The following ABCC1 variants were observed in gnomAD, a reference collection of about 807,000 sequenced individuals.
ABCC1 encodes ATP binding cassette subfamily C member 1 (ABCC1 blood group).
Under a neutral mutation model 172.9 loss-of-function variants are expected in ABCC1, and 83 were observed. That is an observed-to-expected ratio of 0.48 (90% CI 0.40 to 0.58). ABCC1 has a LOEUF of 0.58. ABCC1 is among the 20% of genes least tolerant of loss of function. The pLI, the probability that ABCC1 is intolerant of heterozygous loss-of-function variation, is 0.00. For missense variants in ABCC1, 1,817 were observed against 2,002.7 expected, an observed-to-expected ratio of 0.91 and a Z score of 1.77; for synonymous variants, 937 against 825.2, an observed-to-expected ratio of 1.14 and a Z score of -2.32.
chr16:15,983,334 G>T (rs942528435), intron 1 of ABCC1, among the ~76,000 whole-genome samples: 3 of 152,128 alleles, frequency 2.0e-5, no homozygotes, highest in Non-Finnish European at 4.4e-5. Flanking sequence ...CAGTTGTGGG[G>T]ATTGTGATCC....
At position 16,076,156 on chromosome 16, in the gene ABCC1, G is replaced by A. The variant is rs193158414; in HGVS notation, c.1913-170G>A. The A allele has an allele frequency of 1.1e-3, 679 of 640,294 alleles. 2 individuals are homozygous for A. The highest frequency in any genetic ancestry group is 4.6e-3 in the Admixed American group (139 of 30,448). The allele number at this position is 640,294 out of a possible 1,614,324, so 39.7% of individuals were successfully genotyped here. ...GTCTGGGGCTGCCTCCAGAACTGCAGGTTGAGTTTCTTCTTTCAGAACCCG... is the reference window on the plus strand; with the variant it reads ...GTCTGGGGCTGCCTCCAGAACTGCAAGTTGAGTTTCTTCTTTCAGAACCCG... On this transcript the variant is annotated intron_variant, in intron 14 of 30. Transcript: ENST00000399410.
chr16:16,133,930 C>G (rs2045807766), intron 27 of ABCC1, among the ~76,000 whole-genome samples: 1 of 152,110 alleles, frequency 6.6e-6, no homozygotes, highest in Non-Finnish European at 1.5e-5. Flanking sequence ...GGAAGATCTG[C>G]CTGAATCTTT....
intron 5 of ABCC1, among the ~76,000 whole-genome samples, chr16:16,022,607 C>T (rs571485762): frequency 1.5e-4 from 23 of 152,256 alleles, no homozygotes; most frequent in African/African-American, 4.8e-4. Context: ...CCAAGTCAAA[C>T]TCATTTTAAC....
rs371218567 is a variant in ABCC1 at position 16,138,488 on chromosome 16, C to A, written c.4417C>A (p.Arg1473=). ...GGACGACCTCATCCAGTCCACCATCCGGACACAGTTCGAGGACTGCACCGT... is the reference window on the plus strand; with the variant it reads ...GGACGACCTCATCCAGTCCACCATCAGGACACAGTTCGAGGACTGCACCGT... ...ETDDLIQSTI[R]TQFEDCTVLT... The change falls in exon 30 of 31, where the codon CGG becomes AGG. Residue 1473 remains arginine (R), a synonymous_variant. Transcript: ENST00000399410. The A allele has an allele frequency of 6.2e-7, 1 of 1,613,182 alleles. No individual in the cohort carries two copies. Among genetic ancestry groups the A allele is most frequent in the Non-Finnish European group, 8.5e-7 (1 of 1,179,370 alleles).
chr16:16,083,269 A>G, intron 16 of ABCC1, 97 bp from the exon 17 acceptor site: 1 of 1,217,726 alleles, frequency 8.2e-7, no homozygotes, highest in South Asian at 1.4e-5. Context: ...TGACTTGTGA[A>G]GTGAGGCCCT....
In ABCC1 at chr16:16,033,654, C is replaced by CT. The variant is rs569183872; in HGVS notation, c.677+494dup. 8.3e-4 allele frequency among the ~76,000 whole-genome samples: 124 copies of CT among 149,408 alleles called. No homozygotes were observed. In the South Asian group the frequency reaches 0.013, roughly 15 times the overall value. On this transcript the variant is annotated intron_variant, in intron 6 of 30. Coordinates refer to ENST00000399410, the MANE Select transcript of ABCC1 (RefSeq NM_004996.4). ...AGTATGCCTTCTTCTGGTCGTCTTTCTTTTTTTTTTGAGACGGAGTCTTAC... is the reference window on the plus strand; with the variant it reads ...AGTATGCCTTCTTCTGGTCGTCTTTCTTTTTTTTTTTGAGACGGAGTCTTAC...
chr16:16,011,440 T>C (rs1348818802), intron 3 of ABCC1, among the ~76,000 whole-genome samples: 2 of 152,174 alleles, frequency 1.3e-5, no homozygotes, highest in East Asian at 1.9e-4. Context: ...TGGAGCCAGG[T>C]TGCCAAGGAC....
chr16:16,126,345 A>C (rs2283512), intron 26 of ABCC1, among the ~76,000 whole-genome samples: 90,081 of 152,024 alleles, frequency 0.59, 28,254 homozygotes, highest in Middle Eastern at 0.73. Flanking sequence ...AACAGGACGG[A>C]TTCTGTCTAT....
At chr16:15,949,514 A>G (rs1158231947), upstream of ABCC1, 1 of 50,604 alleles carries the variant, frequency 2.0e-5, no homozygotes, top group Non-Finnish European at 3.7e-5. Context: ...GCGCGAGGTG[A>G]GCGGGCGCCG....
At chr16:15,954,244 G>T (rs1304988479) in intron 1 of ABCC1, among the ~76,000 whole-genome samples, 1 of 152,068 alleles carries the variant, frequency 6.6e-6, no homozygotes, top group Non-Finnish European at 1.5e-5. Flanking sequence ...GGCCAGGCTG[G>T]TCTTGAACTC....
chr16:16,043,222 G>GTTTTTTTT lies in ABCC1; in HGVS notation c.810-1214_810-1207dup, dbSNP rs147161637. Among the ~76,000 whole-genome samples the GTTTTTTTT allele has an allele frequency of 5.4e-4, 48 of 89,500 alleles. 1 individual carries two copies. The highest frequency in any genetic ancestry group is 1.7e-3 in the African/African-American group (33 of 19,700). 58.7% of individuals were successfully genotyped at this position (89,500 alleles called of 152,430 possible). A position where few individuals can be genotyped will look rare whatever the true frequency, so the allele number is the denominator to read the frequency against. ...CTGTGTTGCTCTGGCTGGCTGGACT[G>GTTTTTTTT]TTTTTTTTTTTTTTTTTTTTTCCAC... On this transcript the variant is annotated intron_variant, in intron 7 of 30. Transcript: ENST00000399410.
chr16:15,967,718 C>T (rs1054847414), intron 1 of ABCC1, among the ~76,000 whole-genome samples: 1 of 148,990 alleles, frequency 6.7e-6, no homozygotes, highest in East Asian at 2.0e-4. Context: ...TATGATTGCA[C>T]CACTGCACTC....
chr16:16,082,982 T>C lies in ABCC1; in HGVS notation c.2116-384T>C, dbSNP rs570029775. Reference sequence around the variant, plus strand: ...TCTTAAAAAGTGTCATATATCTTTTTATCTTTGCGTCCACCGTAACTGTAA... The same window carrying C: ...TCTTAAAAAGTGTCATATATCTTTTCATCTTTGCGTCCACCGTAACTGTAA... On this transcript the variant is annotated intron_variant, in intron 16 of 30. Coordinates refer to ENST00000399410, the MANE Select transcript of ABCC1 (RefSeq NM_004996.4). 2.0e-5 allele frequency among the ~76,000 whole-genome samples: 3 copies of C among 152,314 alleles called. No homozygotes were observed. In the South Asian group the frequency reaches 6.2e-4, roughly 32 times the overall value.
At chr16:16,042,802 A>G (rs1301673813) in intron 7 of ABCC1, among the ~76,000 whole-genome samples, 1 of 152,184 alleles carries the variant, frequency 6.6e-6, no homozygotes, top group East Asian at 1.9e-4. Flanking sequence ...TGCAGAACAT[A>G]CAATTCACTG....
rs543369658 is a variant in ABCC1 at position 16,077,538 on chromosome 16, G to A, written c.1988+1137G>A. Among the ~76,000 whole-genome samples, 45 of 147,164 alleles carry A rather than the reference G, an allele frequency of 3.1e-4. No homozygotes were observed. In the South Asian group the frequency reaches 6.9e-3, roughly 22 times the overall value. On this transcript the variant is annotated intron_variant, in intron 15 of 30. Coordinates refer to ENST00000399410, the MANE Select transcript of ABCC1 (RefSeq NM_004996.4). ...GCCTGTAAGAATATTTCAGTCTCAC[G>A]TGGACAGTGGCAGGTACTGTCTCAC...
rs13337489 is a variant in ABCC1 at position 16,114,826 on chromosome 16, G to C, written c.3140G>C (p.Cys1047Ser). The change falls in exon 23 of 31, where the codon TGT becomes TCT. Residue 1047 changes from cysteine to serine, a missense_variant. This residue lies in a region of ABCC1 where 1,412 missense variants were observed against 1,600.3 expected (regional missense o/e 0.88). Coordinates refer to ENST00000399410, the MANE Select transcript of ABCC1 (RefSeq NM_004996.4). ...VSIGGILASRCLHVDLLHSIL... is the reference protein window; with the variant it reads ...VSIGGILASRSLHVDLLHSIL... ...ATCGGGGGGATCTTGGCTTCCCGCT[G>C]TCTGCACGTGGACCTGCTGCACAGC... 2.7e-3 allele frequency: 4,414 copies of C among 1,610,816 alleles called. 126 individuals carry two copies. In the African/African-American group the frequency reaches 0.051, roughly 19 times the overall value.
chr16:16,033,504 C>T (rs536364693), intron 6 of ABCC1, among the ~76,000 whole-genome samples: 9 of 152,266 alleles, frequency 5.9e-5, no homozygotes, highest in Admixed American at 5.9e-4. Flanking sequence ...TTGACATTGT[C>T]CCCCTCCTGT....
intron 5 of ABCC1, among the ~76,000 whole-genome samples, chr16:16,028,414 T>C (rs2048448749): frequency 6.6e-6 from 1 of 152,084 alleles, no homozygotes; most frequent in Admixed American, 6.6e-5. Context: ...TGCCCATATA[T>C]TTGACCAATA....
Position 16,094,670 on chromosome 16 carries a change from T to C in ABCC1, c.2644+4082T>C, listed in dbSNP as rs1042526461. Reference sequence around the variant, plus strand: ...CTGGGACTACAGGCGCCCGCCACCATGCCCAGCTAATTTTTTTTGTATTTT... The same window carrying C: ...CTGGGACTACAGGCGCCCGCCACCACGCCCAGCTAATTTTTTTTGTATTTT... On this transcript the variant is annotated intron_variant, in intron 19 of 30. Coordinates refer to ENST00000399410, the MANE Select transcript of ABCC1 (RefSeq NM_004996.4). Among the ~76,000 whole-genome samples, 11 of 150,040 alleles carry C rather than the reference T, an allele frequency of 7.3e-5. No individual in the cohort carries two copies. The East Asian group carries it at 1.6e-3, about 22-fold the overall frequency.
Sources: allele counts gnomAD v4.1 joint callset (sites outside exome capture counted in the v4.1 genomes callset), GRCh38; gene constraint gnomAD v4.1.1; regional missense constraint gnomAD v4.1.1; transcripts MANE v1.5; gene names NCBI Gene and HGNC (gene_info 2026-07-23, HGNC 2026-07-21).